SOX1: variants seen among roughly 807,000 people sequenced by gnomAD.
The protein encoded by SOX1 is transcription factor SOX-1.
Under a neutral mutation model 0.9 loss-of-function variants are expected in SOX1, and 1 was observed. That is an observed-to-expected ratio of 1.07 (90% CI 0.38 to 5.06). The LOEUF (loss-of-function observed/expected upper bound fraction) is 5.06. SOX1 is among the 30% of genes most tolerant of loss of function. The pLI, the probability that SOX1 is intolerant of heterozygous loss-of-function variation, is 0.16. For synonymous variants in SOX1, 397 were observed against 265.5 expected (o/e 1.50, Z -4.81); for missense variants, 564 against 534.4 (o/e 1.06, Z -0.55).
rs1352523148 is a variant in SOX1, at chr13:112,071,350, G to A, written c.*2516G>A. Among the ~76,000 whole-genome samples the A allele has an allele frequency of 6.6e-6, 1 of 152,248 alleles. No homozygotes were observed. The highest frequency in any genetic ancestry group is 2.4e-5 in the African/African-American group (1 of 41,470). ...ATTGCAGGTGCTTCGTGCACAGTCA[G>A]CTGAAATAGCCAATGCCAGGTGCTC... On this transcript the variant is annotated 3_prime_UTR_variant, in exon 1 of 1. Coordinates refer to ENST00000330949, the MANE Select transcript of SOX1 (RefSeq NM_005986.3).
Position 112,068,544 on chromosome 13 carries a change from G to A in SOX1, c.886G>A (p.Ala296Thr). The change falls in exon 1 of 1, where the codon GCC (alanine) becomes ACC (threonine). Residue 296 changes from alanine to threonine, a missense_variant. Coordinates refer to ENST00000330949, the MANE Select transcript of SOX1 (RefSeq NM_005986.3). The surrounding 1 kb of genome is among the most constrained non-coding windows in gnomAD (Gnocchi z 6.9). ...TGCGGGCGGCGCGCACCAGAACTCG[G>A]CCGTGGCGGCGGCGGCGGCGGCGGC... The part of the protein sequence containing the change: ...AAAGGAHQNS[A>T]VAAAAAAAAA... The A allele has an allele frequency of 1.0e-6, 1 of 972,396 alleles. No homozygotes were observed. Among genetic ancestry groups the A allele is most frequent in the Non-Finnish European group, 1.2e-6 (1 of 818,816 alleles). The allele number at this position is 972,396 out of a possible 1,614,324, so 60.2% of individuals were successfully genotyped here. A position where few individuals can be genotyped will look rare whatever the true frequency, so the allele number is the denominator to read the frequency against.
chr13:112,068,239 G>A lies in SOX1; in HGVS notation c.581G>A (p.Gly194Asp). ...GGCTGGGCCAACGGCGCCTACCCCG[G>A]CTCGGTGGCGGCGGCGGCGGCGGCC... is the stretch of plus-strand genomic sequence containing the variant. ...VNGWANGAYP[G>D]SVAAAAAAAA... The change falls in exon 1 of 1, where the codon GGC (glycine) becomes GAC (aspartate). Residue 194 changes from glycine (G) to aspartate (D), a missense_variant. Physicochemically the swap from Gly to Asp is moderately conservative, Grantham distance 94. Coordinates refer to ENST00000330949, the MANE Select transcript of SOX1 (RefSeq NM_005986.3). This position sits in a 1 kb window ranked among gnomAD's most constrained non-coding sequence, Gnocchi z 6.9. 1 of 741,062 alleles carries A rather than the reference G, an allele frequency of 1.3e-6. No individual in the cohort carries two copies. The highest frequency in any genetic ancestry group is 1.7e-6 in the Non-Finnish European group (1 of 602,804). The allele number at this position is 741,062 out of a possible 1,614,324, so 45.9% of individuals were successfully genotyped here.
Position 112,068,069 on chromosome 13 carries a change from G to T in SOX1, c.411G>T (p.Leu137=). Residue 137 remains leucine, a synonymous_variant, in exon 1 of 1, where the codon CTG becomes CTT. Coordinates refer to ENST00000330949, the MANE Select transcript of SOX1 (RefSeq NM_005986.3). This position sits in a 1 kb window ranked among gnomAD's most constrained non-coding sequence, Gnocchi z 6.9. ...KTLLKKDKYS[L]AGGLLAAGAG... is the part of the protein sequence containing the mutation. ...TGCTCAAGAAGGACAAGTACTCGCTGGCCGGCGGGCTCCTGGCGGCCGGCG... is the reference window on the plus strand; with the variant it reads ...TGCTCAAGAAGGACAAGTACTCGCTTGCCGGCGGGCTCCTGGCGGCCGGCG... The T allele has an allele frequency of 6.4e-7, 1 of 1,572,954 alleles. No individual in the cohort carries two copies. The highest frequency in any genetic ancestry group is 8.6e-7 in the Non-Finnish European group (1 of 1,159,564).
Position 112,069,584 on chromosome 13 carries a change from C to A in SOX1, c.*750C>A. 6.0e-6 allele frequency: 1 copy of A among 167,000 alleles called. No individual in the cohort carries two copies. 10.3% of individuals were successfully genotyped at this position (167,000 alleles called of 1,614,324 possible). ...CCTTTCTTCTAAAAACGAAAAAAGA[C>A]CCCCCACCCAAAATGTTTCGAGTCA... is the stretch of plus-strand genomic sequence containing the variant. On this transcript the variant is annotated 3_prime_UTR_variant, in exon 1 of 1. Coordinates refer to ENST00000330949, the MANE Select transcript of SOX1 (RefSeq NM_005986.3).
At position 112,070,950 on chromosome 13, in the gene SOX1, T is replaced by C. The variant is rs573803913; in HGVS notation, c.*2116T>C. 1.5e-4 allele frequency among the ~76,000 whole-genome samples: 23 copies of C among 151,086 alleles called. No homozygotes were observed. Among genetic ancestry groups the C allele is most frequent in the East Asian group, 4.0e-4 (2 of 5,050 alleles). Reference sequence around the variant, plus strand: ...GTTTCTGGAAGAGTCTGTGCGCCCATGGATGGCTGAGCACCACTACGACTT... The same window carrying C: ...GTTTCTGGAAGAGTCTGTGCGCCCACGGATGGCTGAGCACCACTACGACTT... On this transcript the variant is annotated 3_prime_UTR_variant, in exon 1 of 1. Coordinates refer to ENST00000330949, the MANE Select transcript of SOX1 (RefSeq NM_005986.3).
chr13:112,068,329 C>T lies in SOX1; in HGVS notation c.671C>T (p.Pro224Leu), dbSNP rs776117694. 1.7e-6 allele frequency: 2 copies of T among 1,144,200 alleles called. No homozygotes were observed. Among genetic ancestry groups the T allele is most frequent in the South Asian group, 2.3e-5 (1 of 44,172 alleles). The allele number at this position is 1,144,200 out of a possible 1,614,324, so 70.9% of individuals were successfully genotyped here. A position where few individuals can be genotyped will look rare whatever the true frequency, so the allele number is the denominator to read the frequency against. ...GQHPGAGGAH[P>L]HAHPAHPHPH... ...CACCCGGGCGCGGGCGGCGCGCACC[C>T]GCACGCGCACCCCGCGCACCCGCAC... The change falls in exon 1 of 1, where the codon CCG (proline) becomes CTG (leucine). Residue 224 changes from proline (P) to leucine (L), a missense_variant. Pro to Leu is a moderately conservative substitution (Grantham distance 98). Transcript: ENST00000330949. This position sits in a 1 kb window ranked among gnomAD's most constrained non-coding sequence, Gnocchi z 6.9.
chr13:112,069,842 T>C lies in SOX1; in HGVS notation c.*1008T>C, dbSNP rs1316649070. The C allele has an allele frequency of 1.8e-5, 3 of 167,114 alleles. No individual in the cohort carries two copies. Among genetic ancestry groups the C allele is most frequent in the African/African-American group, 7.2e-5 (3 of 41,454 alleles). The allele number at this position is 167,114 out of a possible 1,614,324, so 10.4% of individuals were successfully genotyped here. On this transcript the variant is annotated 3_prime_UTR_variant, in exon 1 of 1. Coordinates refer to ENST00000330949, the MANE Select transcript of SOX1 (RefSeq NM_005986.3). The stretch of plus-strand genomic sequence containing the variant: ...GTTATTTTGTAGAGCTGAGTGTTAA[T>C]ACGGGCCGAGAAATAAAAGTATCTT...
In SOX1 at chr13:112,067,636, C is replaced by T. The variant is rs1218192690; in HGVS notation, c.-23C>T. The T allele has an allele frequency of 7.1e-6, 9 of 1,269,546 alleles. No homozygotes were observed. The highest frequency in any genetic ancestry group is 8.0e-6 in the Non-Finnish European group (8 of 996,428). The allele number at this position is 1,269,546 out of a possible 1,614,324, so 78.6% of individuals were successfully genotyped here. ...GCTCCAGGCCCTCTCCTCGCGGTGC[C>T]GGTGAACCCGCCAGCCGCCCCGATG... On this transcript the variant is annotated 5_prime_UTR_variant, in exon 1 of 1. Transcript: ENST00000330949. This position sits in a 1 kb window ranked among gnomAD's most constrained non-coding sequence, Gnocchi z 5.1.
chr13:112,070,879 CTTTA>C lies in SOX1; in HGVS notation c.*2049_*2052del, dbSNP rs1875850636. ...TAAACCCCCCCCCTCTTTTCTTTTT[CTTTA>C]TTTTTATTTCTTTTAGCTATTTGAT... On this transcript the variant is annotated 3_prime_UTR_variant, in exon 1 of 1. Transcript: ENST00000330949. 7.3e-6 allele frequency among the ~76,000 whole-genome samples: 1 copy of C among 137,828 alleles called. No homozygotes were observed. The highest frequency in any genetic ancestry group is 7.2e-5 in the Admixed American group (1 of 13,884). The allele number at this position is 137,828 out of a possible 152,430, so 90.4% of individuals were successfully genotyped here.
At position 112,067,955 on chromosome 13, in the gene SOX1, G is replaced by A. The variant is rs1880767487; in HGVS notation, c.297G>A (p.Pro99=). ...WKVMSEAEKR[P]FIDEAKRLRA... is the part of the protein sequence containing the mutation. ...TCATGTCCGAGGCCGAGAAGCGGCC[G>A]TTCATCGACGAGGCCAAGCGGCTGC... Residue 99 remains proline (P), a synonymous_variant, in exon 1 of 1, where the codon CCG becomes CCA. Transcript: ENST00000330949. This position sits in a 1 kb window ranked among gnomAD's most constrained non-coding sequence, Gnocchi z 5.1. The A allele has an allele frequency of 1.2e-6, 2 of 1,607,316 alleles. No individual in the cohort carries two copies. The highest frequency in any genetic ancestry group is 1.7e-6 in the Non-Finnish European group (2 of 1,176,616).
rs765086824 is a variant in SOX1 at position 112,068,060 on chromosome 13, G to C, written c.402G>C (p.Lys134Asn). ...RKTKTLLKKD[K>N]YSLAGGLLAA... ...CCAAGACGCTGCTCAAGAAGGACAA[G>C]TACTCGCTGGCCGGCGGGCTCCTGG... The change falls in exon 1 of 1, where the codon AAG becomes AAC. Residue 134 changes from lysine to asparagine, a missense_variant. Physicochemically the swap from Lys to Asn is moderately conservative, Grantham distance 94 (BLOSUM62 0). Transcript: ENST00000330949. The surrounding 1 kb of genome is among the most constrained non-coding windows in gnomAD (Gnocchi z 6.9). 5.7e-6 allele frequency: 9 copies of C among 1,582,644 alleles called. No individual in the cohort carries two copies. Among genetic ancestry groups the C allele is most frequent in the Non-Finnish European group, 7.7e-6 (9 of 1,164,598 alleles).
At position 112,068,548 on chromosome 13, in the gene SOX1, TGGC is replaced by T. The variant is rs931866282; in HGVS notation, c.912_914del (p.Ala306del). On this transcript the variant is annotated inframe_deletion, in exon 1 of 1. Transcript: ENST00000330949. This position sits in a 1 kb window ranked among gnomAD's most constrained non-coding sequence, Gnocchi z 6.9. ...GGCGGCGCGCACCAGAACTCGGCCG[TGGC>T]GGCGGCGGCGGCGGCGGCGGCCGCG... The T allele has an allele frequency of 2.2e-3, 1,987 of 900,948 alleles. 2 individuals are homozygous for T. The highest frequency in any genetic ancestry group is 0.01 in the African/African-American group (518 of 51,444). The allele number at this position is 900,948 out of a possible 1,614,324, so 55.8% of individuals were successfully genotyped here.
chr13:112,071,149 TCA>T lies in SOX1; in HGVS notation c.*2316_*2317del, dbSNP rs1875863271. ...GAGGTTCTTTGACTGACGTCCACTC[TCA>T]GTCTGGCCCCTGTGCTCCCCTGTGT... On this transcript the variant is annotated 3_prime_UTR_variant, in exon 1 of 1. Coordinates refer to ENST00000330949, the MANE Select transcript of SOX1 (RefSeq NM_005986.3). Among the ~76,000 whole-genome samples, 1 of 152,246 alleles carries T rather than the reference TCA, an allele frequency of 6.6e-6. No homozygotes were observed. The highest frequency in any genetic ancestry group is 1.5e-5 in the Non-Finnish European group (1 of 68,046).
chr13:112,068,443 C>A lies in SOX1; in HGVS notation c.785C>A (p.Ser262Ter). 1.6e-6 allele frequency: 2 copies of A among 1,246,058 alleles called. No homozygotes were observed. Among genetic ancestry groups the A allele is most frequent in the South Asian group, 1.5e-5 (1 of 66,966 alleles). 77.2% of individuals were successfully genotyped at this position (1,246,058 alleles called of 1,614,324 possible). The change falls in exon 1 of 1, where the codon TCG becomes TAG. Residue 262 changes from serine to a stop codon, truncating the protein, a stop_gained. Transcript: ENST00000330949. LOFTEE classifies it low-confidence loss of function (END_TRUNC). This position sits in a 1 kb window ranked among gnomAD's most constrained non-coding sequence, Gnocchi z 6.9. ...GALQYSPISNSQGYMSASPSG... is the reference protein window; with the variant it reads ...GALQYSPISN ...CTGCAGTACAGCCCCATCTCCAACT[C>A]GCAGGGCTACATGAGCGCGTCGCCC...
chr13:112,068,491 A>G lies in SOX1; in HGVS notation c.833A>G (p.Tyr278Cys). 1 of 1,019,544 alleles carries G rather than the reference A, an allele frequency of 9.8e-7. No individual in the cohort carries two copies. Among genetic ancestry groups the G allele is most frequent in the Non-Finnish European group, 1.2e-6 (1 of 852,034 alleles). 63.2% of individuals were successfully genotyped at this position (1,019,544 alleles called of 1,614,324 possible). Reference protein sequence around the residue: ...ASPSGYGGLPYGAAAAAAAAA... With the variant: ...ASPSGYGGLPCGAAAAAAAAA... ...CCCTCGGGCTACGGCGGCCTCCCCT[A>G]CGGCGCCGCGGCCGCCGCCGCCGCC... The change falls in exon 1 of 1, where the codon TAC becomes TGC. Residue 278 changes from tyrosine to cysteine, a missense_variant. By Grantham distance (194) the Tyr-to-Cys change is radical. Transcript: ENST00000330949. The surrounding 1 kb of genome is among the most constrained non-coding windows in gnomAD (Gnocchi z 6.9).
chr13:112,068,340 C>A lies in SOX1; in HGVS notation c.682C>A (p.Pro228Thr). The change falls in exon 1 of 1, where the codon CCC becomes ACC. Residue 228 changes from proline (P) to threonine (T), a missense_variant. Coordinates refer to ENST00000330949, the MANE Select transcript of SOX1 (RefSeq NM_005986.3). This position sits in a 1 kb window ranked among gnomAD's most constrained non-coding sequence, Gnocchi z 6.9. ...GAGGAHPHAH[P>T]AHPHPHHPHA... ...GGGCGGCGCGCACCCGCACGCGCAC[C>A]CCGCGCACCCGCACCCGCACCACCC... The A allele has an allele frequency of 1.7e-6, 2 of 1,200,322 alleles. No individual in the cohort carries two copies. Among genetic ancestry groups the A allele is most frequent in the Non-Finnish European group, 2.1e-6 (2 of 951,504 alleles). 74.4% of individuals were successfully genotyped at this position (1,200,322 alleles called of 1,614,324 possible).
Position 112,071,487 on chromosome 13 carries a change from T to G in SOX1, c.*2653T>G, listed in dbSNP as rs986807929. On this transcript the variant is annotated 3_prime_UTR_variant, in exon 1 of 1. Transcript: ENST00000330949. The stretch of plus-strand genomic sequence containing the variant: ...ACAGGGTGGGGGCAAGGAAATTAGC[T>G]GAGATTCATCTCAGGATTGAGATTC... Among the ~76,000 whole-genome samples, 4 of 152,324 alleles carry G rather than the reference T, an allele frequency of 2.6e-5. No individual in the cohort carries two copies. In the East Asian group the frequency reaches 5.8e-4, roughly 22 times the overall value.
rs1471934254 is a variant in SOX1 at position 112,070,106 on chromosome 13, TGTGTTTCAAGGAAAC to T, written c.*1273_*1287del. On this transcript the variant is annotated 3_prime_UTR_variant, in exon 1 of 1. Coordinates refer to ENST00000330949, the MANE Select transcript of SOX1 (RefSeq NM_005986.3). Reference sequence around the variant, plus strand: ...AGATTTCGAGCAGAATTTATCTAAATGTGTTTCAAGGAAACACAATCGCTGAACCAAAACGTACTG... The same window carrying T: ...AGATTTCGAGCAGAATTTATCTAAATACAATCGCTGAACCAAAACGTACTG... 4.2e-5 allele frequency: 7 copies of T among 167,110 alleles called. No individual in the cohort carries two copies. Among genetic ancestry groups the T allele is most frequent in the Non-Finnish European group, 5.9e-5 (4 of 68,132 alleles). The allele number at this position is 167,110 out of a possible 1,614,324, so 10.4% of individuals were successfully genotyped here. A position where few individuals can be genotyped will look rare whatever the true frequency, so the allele number is the denominator to read the frequency against.
chr13:112,069,323 T>C lies in SOX1; in HGVS notation c.*489T>C, dbSNP rs1321739522. On this transcript the variant is annotated 3_prime_UTR_variant, in exon 1 of 1. Transcript: ENST00000330949. Reference sequence around the variant, plus strand: ...CAAGCACTTACAAGTTTTTTGTAGTTGTTACCGCTCTTTTGGGTTGGTTTG... The same window carrying C: ...CAAGCACTTACAAGTTTTTTGTAGTCGTTACCGCTCTTTTGGGTTGGTTTG... 1 of 167,128 alleles carries C rather than the reference T, an allele frequency of 6.0e-6. No individual in the cohort carries two copies. Among genetic ancestry groups the C allele is most frequent in the Non-Finnish European group, 1.5e-5 (1 of 68,128 alleles). 10.4% of individuals were successfully genotyped at this position (167,128 alleles called of 1,614,324 possible).
Sources: gnomAD v4.1 joint callset for allele counts (sites outside exome capture counted in the v4.1 genomes callset) on GRCh38, gnomAD v4.1.1 for gene constraint, Gnocchi (gnomAD v3.1) non-coding constraint, MANE v1.5 for transcripts, NCBI Gene and HGNC (gene_info 2026-07-23, HGNC 2026-07-21) for gene names.